Variants in NEB observed in about 807,000 individuals in gnomAD.
NEB encodes nebulin.
NEB carries 512 observed loss-of-function variants against 952.2 expected under a neutral mutation model. The ratio of observed to expected loss-of-function variants is 0.54; its 90% CI spans 0.50 to 0.58. NEB has a LOEUF of 0.58. Ranked by LOEUF, NEB falls within the 20% of genes least tolerant of loss-of-function variation. The pLI, the probability that NEB is intolerant of heterozygous loss-of-function variation, is 0.00. For synonymous variants in NEB, 2,900 were observed against 3,149.8 expected (o/e 0.92, Z 2.66); for missense variants, 8,428 against 9,231.1 (o/e 0.91, Z 3.56).
chr2:151,610,097 C>A lies in NEB; in HGVS notation c.12042G>T (p.Glu4014Asp), dbSNP rs2097890553. ...CTCCAATGTGGTGGCCTTTCTGTTT[C>A]TCATAGGCTTCCTTGTATTTGTACT... The part of the protein sequence containing the change: ...ASDYKYKEAY[E>D]KQKGHHIGAQ... Residue 4014 changes from glutamate to aspartate, a missense_variant, in exon 81 of 182, where the codon GAG (glutamate) becomes GAT (aspartate). By Grantham distance (45) the Glu-to-Asp change is conservative. Coordinates refer to ENST00000397345, the MANE Select transcript of NEB (RefSeq NM_001164508.2). The A allele has an allele frequency of 6.2e-7, 1 of 1,611,456 alleles. No individual in the cohort carries two copies.
chr2:151,515,168 G>A (rs2076948524), intron 157 of NEB, among the ~76,000 whole-genome samples: 2 of 152,186 alleles, frequency 1.3e-5, no homozygotes, highest in Admixed American at 6.5e-5. Flanking sequence ...TCAGTCTAAT[G>A]TTGTGACTGG....
chr2:151,527,495 G>A lies in NEB; in HGVS notation c.21826C>T (p.Leu7276=). 3 of 1,612,930 alleles carry A rather than the reference G, an allele frequency of 1.9e-6. No individual in the cohort carries two copies. The highest frequency in any genetic ancestry group is 2.5e-6 in the Non-Finnish European group (3 of 1,179,354). Reference sequence around the variant, plus strand: ...TCCTGTCTTACATCGCTTTGCTGCAGGGATGACTTGGCAGCCTGGAGGAAG... The same window carrying A: ...TCCTGTCTTACATCGCTTTGCTGCAAGGATGACTTGGCAGCCTGGAGGAAG... ...PDFLQAAKSS[L]QQSDFEYKLD... is the part of the protein sequence containing the mutation. The change falls in exon 147 of 182, where the codon CTG becomes TTG. Residue 7276 remains leucine, a synonymous_variant. Coordinates refer to ENST00000397345, the MANE Select transcript of NEB (RefSeq NM_001164508.2).
chr2:151,650,186 T>A lies in NEB; in HGVS notation c.7421A>T (p.Asn2474Ile). Residue 2474 changes from asparagine to isoleucine, a missense_variant, in exon 54 of 182, where the codon AAT becomes ATT. Asn to Ile is a moderately radical substitution (Grantham distance 149). Coordinates refer to ENST00000397345, the MANE Select transcript of NEB (RefSeq NM_001164508.2). The part of the protein sequence containing the change: ...DIVLAKTNAK[N>I]RSDRLYREAW... ...CAGAGTGCTACTCACATCACTCCTATTTTTGGCATTTGTCTTTGCCAGAAC... is the reference window on the plus strand; with the variant it reads ...CAGAGTGCTACTCACATCACTCCTAATTTTGGCATTTGTCTTTGCCAGAAC... 1 of 1,613,720 alleles carries A rather than the reference T, an allele frequency of 6.2e-7. No individual in the cohort carries two copies. The highest frequency in any genetic ancestry group is 8.5e-7 in the Non-Finnish European group (1 of 1,179,678).
intron 168 of NEB, among the ~76,000 whole-genome samples, chr2:151,500,601 T>TTC (rs1454177333): frequency 6.7e-6 from 1 of 148,320 alleles, no homozygotes; most frequent in Non-Finnish European, 1.5e-5. Flanking sequence ...TCCTTTTTTT[T>TTC]TTTTTTTTTT....
Position 151,655,339 on chromosome 2 carries a change from G to C in NEB, c.6738C>G (p.Thr2246=). ...LYTIDWNKDK[T]KIHVMPDTPD... The stretch of plus-strand genomic sequence containing the variant: ...GTGTATCAGGCATCACATGAATCTT[G>C]GTCTTATCTTTATTCCAATCAATGG... Residue 2246 remains threonine, a synonymous_variant, in exon 51 of 182, where the codon ACC becomes ACG. Coordinates refer to ENST00000397345, the MANE Select transcript of NEB (RefSeq NM_001164508.2). 6.3e-7 allele frequency: 1 copy of C among 1,599,592 alleles called. No homozygotes were observed. Among genetic ancestry groups the C allele is most frequent in the Non-Finnish European group, 8.5e-7 (1 of 1,170,342 alleles).
intron 67 of NEB, among the ~76,000 whole-genome samples, 168 bp from the exon 68 acceptor site, chr2:151,629,814 A>G (rs570546212): frequency 1.3e-5 from 2 of 152,322 alleles, no homozygotes; most frequent in East Asian, 3.9e-4. Flanking sequence ...AAAATACTAT[A>G]TAGCGTTAGA....
chr2:151,565,057 T>C lies in NEB; in HGVS notation c.18458A>G (p.Lys6153Arg). ...PHISHSKDMG[K>R]LYSTILYKGA... ...AAGAGAACTTACAGTACTGTAGAGTTTTCCCATGTCTTTGGAGTGGGAGAT... is the reference window on the plus strand; with the variant it reads ...AAGAGAACTTACAGTACTGTAGAGTCTTCCCATGTCTTTGGAGTGGGAGAT... Residue 6153 changes from lysine (K) to arginine (R), a missense_variant, in exon 117 of 182, where the codon AAA becomes AGA. Lys to Arg is a conservative substitution (Grantham distance 26, BLOSUM62 2). Coordinates refer to ENST00000397345, the MANE Select transcript of NEB (RefSeq NM_001164508.2). The C allele has an allele frequency of 6.3e-7, 1 of 1,575,080 alleles. No individual in the cohort carries two copies. Among genetic ancestry groups the C allele is most frequent in the Non-Finnish European group, 8.7e-7 (1 of 1,147,678 alleles).
At position 151,505,662 on chromosome 2, in the gene NEB, TAAAA is replaced by T. The variant is rs1048148463; in HGVS notation, c.23650-96_23650-93del. On this transcript the variant is annotated intron_variant, in intron 164 of 181. Coordinates refer to ENST00000397345, the MANE Select transcript of NEB (RefSeq NM_001164508.2). ...TACATGTTTTTTGTAGCCCCCAAAT[TAAAA>T]AAATTAACAGTGTAAATAACGCAGG... 1.1e-5 allele frequency: 11 copies of T among 1,039,880 alleles called. No homozygotes were observed. The African/African-American group carries it at 1.7e-4, about 16-fold the overall frequency. The allele number at this position is 1,039,880 out of a possible 1,614,324, so 64.4% of individuals were successfully genotyped here.
At chr2:151,703,134 G>T (rs890502205) in intron 13 of NEB, among the ~76,000 whole-genome samples, 1 of 145,800 alleles carries the variant, frequency 6.9e-6, no homozygotes, top group Non-Finnish European at 1.5e-5. Flanking sequence ...AGTTTGGCTG[G>T]ATATGAAATT....
At chr2:151,526,710 G>T (rs2086314825) in intron 148 of NEB, among the ~76,000 whole-genome samples, 1 of 152,162 alleles carries the variant, frequency 6.6e-6, no homozygotes, top group African/African-American at 2.4e-5. Context: ...ATAAATCGAG[G>T]ACTGTCACCT....
intron 156 of NEB, among the ~76,000 whole-genome samples, chr2:151,517,277 G>A (rs2078290795): frequency 6.6e-6 from 1 of 152,300 alleles, no homozygotes; most frequent in South Asian, 2.1e-4. Context: ...AAAAACAGGC[G>A]AAGACCCTCA....
In NEB at chr2:151,513,580, C is replaced by G. The variant is rs1243848087; in HGVS notation, c.23241G>C (p.Gln7747His). 6.3e-7 allele frequency: 1 copy of G among 1,599,200 alleles called. No homozygotes were observed. Among genetic ancestry groups the G allele is most frequent in the African/African-American group, 1.3e-5 (1 of 74,780 alleles). Residue 7747 changes from glutamine to histidine, a missense_variant and splice_region_variant, in exon 160 of 182, where the codon CAG becomes CAC. Gln to His is a conservative substitution (Grantham distance 24). Around this residue, in one of 11 missense-constraint regions of NEB, gnomAD observed 3,374 missense variants for 3,651.5 expected, o/e 0.92. Transcript: ENST00000397345. ...ATTGACATCGAATAGTAGCACTGAC[C>G]TGACTGGCAATATCAGTAGCATTCC... ...RARNATDIAS[Q>H]IKYKQSAEME...
chr2:151,500,273 T>A (rs1313839603), intron 168 of NEB, among the ~76,000 whole-genome samples: 1 of 152,158 alleles, frequency 6.6e-6, no homozygotes, highest in East Asian at 1.9e-4. Context: ...ACTTTTAGAA[T>A]ATATTTAAAC....
At position 151,644,453 on chromosome 2, in the gene NEB, A is replaced by G; in HGVS notation, c.7644+15T>C. On this transcript the variant is annotated intron_variant, in intron 56 of 181. Coordinates refer to ENST00000397345, the MANE Select transcript of NEB (RefSeq NM_001164508.2). ...ATTGCAATCAAATCAATATCAACAG[A>G]GGATAAAATCTTACTTCACTGGCAA... is the stretch of plus-strand genomic sequence containing the variant. 1 of 1,589,330 alleles carries G rather than the reference A, an allele frequency of 6.3e-7. No homozygotes were observed. The highest frequency in any genetic ancestry group is 8.6e-7 in the Non-Finnish European group (1 of 1,157,758).
intron 63 of NEB, among the ~76,000 whole-genome samples, chr2:151,638,196 T>C (rs529171294): frequency 8.5e-5 from 13 of 152,310 alleles, no homozygotes; most frequent in Non-Finnish European, 1.8e-4. Context: ...AGAGTTTAAG[T>C]TGGTCTCAAG....
chr2:151,637,046 G>A (rs2098774920), intron 63 of NEB, among the ~76,000 whole-genome samples: 2 of 152,138 alleles, frequency 1.3e-5, no homozygotes, highest in Admixed American at 6.5e-5. Flanking sequence ...ATTCTGCCCT[G>A]ACCCTGTGTC....
chr2:151,541,616 G>T, intron 135 of NEB, 65 bp from the exon 136 acceptor site: 1 of 1,245,396 alleles, frequency 8.0e-7, no homozygotes, highest in Non-Finnish European at 1.2e-6. Flanking sequence ...CTCTGCAGAT[G>T]CCTTCACTGC....
Position 151,610,596 on chromosome 2 carries a change from A to G in NEB, c.11938T>C (p.Ser3980Pro). The G allele has an allele frequency of 6.2e-7, 1 of 1,613,702 alleles. No individual in the cohort carries two copies. The highest frequency in any genetic ancestry group is 8.5e-7 in the Non-Finnish European group (1 of 1,179,580). The change falls in exon 80 of 182, where the codon TCA (serine) becomes CCA (proline). Residue 3980 changes from serine (S) to proline (P), a missense_variant. This residue lies in a region of NEB where 337 missense variants were observed against 297.5 expected (regional missense o/e 1.13). Coordinates refer to ENST00000397345, the MANE Select transcript of NEB (RefSeq NM_001164508.2). The stretch of plus-strand genomic sequence containing the variant: ...CTCAGATCATAGTCCTTCATCTTTG[A>G]TTCATCCCATCCCTTGGTGTAAAGT... ...QKLYTKGWDE[S>P]KMKDYDLRAD...
intron 32 of NEB, among the ~76,000 whole-genome samples, chr2:151,679,009 G>A (rs1231785166): frequency 6.6e-6 from 1 of 152,086 alleles, no homozygotes; most frequent in Non-Finnish European, 1.5e-5. Context: ...TTCATTTCTG[G>A]GTCATACAGA....
Sources: gnomAD v4.1 joint callset for allele counts (sites outside exome capture counted in the v4.1 genomes callset) on GRCh38, gnomAD v4.1.1 for gene constraint, gnomAD v4.1.1 regional missense constraint, MANE v1.5 for transcripts, NCBI Gene and HGNC (gene_info 2026-07-23, HGNC 2026-07-21) for gene names.